The following FIRRM variants were observed in gnomAD, a reference collection of about 807,000 sequenced individuals.
FIRRM encodes the protein FIGNL1 interacting regulator of recombination and mitosis, also known as FIGNL1-interacting regulator of recombination and mitosis.
chr1:169,812,957 G>A, the FIRRM span, among the ~76,000 whole-genome samples: 1 of 152,116 alleles, frequency 6.6e-6, no homozygotes, highest in African/African-American at 2.4e-5. Flanking sequence ...GGGTCAAAAT[G>A]AGGGATCATA....
the FIRRM span, chr1:169,802,705 A>G: frequency 6.2e-6 from 10 of 1,608,102 alleles, no homozygotes; most frequent in South Asian, 1.1e-5. Context: ...AATCCAGACC[A>G]CTCTAAGGAA....
the FIRRM span, among the ~76,000 whole-genome samples, chr1:169,796,391 A>G: frequency 6.6e-6 from 1 of 152,282 alleles, no homozygotes; most frequent in African/African-American, 2.4e-5. Context: ...TTGAAAGTCA[A>G]CATTCCCACC....
the FIRRM span, among the ~76,000 whole-genome samples, chr1:169,833,815 C>G: frequency 0.27 from 38,948 of 145,998 alleles, 5,615 homozygotes; most frequent in Middle Eastern, 0.38. Context: ...GAAAGGGTCA[C>G]ATGTCATAAG....
chr1:169,842,416 G>T, the FIRRM span: 1 of 1,611,682 alleles, frequency 6.2e-7, no homozygotes, highest in African/African-American at 1.3e-5. Context: ...CTGTCCTTCA[G>T]AACACAGTAC....
the FIRRM span, chr1:169,837,206 A>C: frequency 1.1e-6 from 1 of 909,772 alleles, no homozygotes; most frequent in Non-Finnish European, 1.5e-6. Flanking sequence ...TAAGATGCAC[A>C]CACTCTCTGT....
the FIRRM span, among the ~76,000 whole-genome samples, chr1:169,805,493 C>G: frequency 2.0e-5 from 3 of 152,130 alleles, no homozygotes; most frequent in African/African-American, 7.2e-5. Context: ...TATTGTCCCC[C>G]GGGCCACAGC....
At chr1:169,815,932 T>C in the FIRRM span, among the ~76,000 whole-genome samples, 5 of 152,200 alleles carry the variant, frequency 3.3e-5, no homozygotes, top group African/African-American at 1.2e-4. Flanking sequence ...TATTCCTGCC[T>C]AACTATTGGG....
the FIRRM span, chr1:169,783,963 CT>C: frequency 6.6e-6 from 1 of 152,188 alleles, no homozygotes; most frequent in African/African-American, 2.4e-5. Flanking sequence ...CTTTTTAATT[CT>C]TTGTAGAGAC....
chr1:169,805,555 G>A, the FIRRM span, among the ~76,000 whole-genome samples: 2 of 152,138 alleles, frequency 1.3e-5, no homozygotes, highest in African/African-American at 4.8e-5. Flanking sequence ...GATTCACAAA[G>A]GGCAGTCATT....
the FIRRM span, chr1:169,829,365 G>A: frequency 6.2e-7 from 1 of 1,613,682 alleles, no homozygotes; most frequent in Non-Finnish European, 8.5e-7. Flanking sequence ...GGAAAGCTGA[G>A]GTGGCTGTCA....
At chr1:169,844,548 A>G in the FIRRM span, among the ~76,000 whole-genome samples, 2 of 152,254 alleles carry the variant, frequency 1.3e-5, no homozygotes, top group African/African-American at 4.8e-5. Flanking sequence ...GAAAGGAATG[A>G]AACTAGTAAC....
At chr1:169,845,972 A>G in the FIRRM span, among the ~76,000 whole-genome samples, 8 of 152,230 alleles carry the variant, frequency 5.3e-5, no homozygotes, top group African/African-American at 9.7e-5. Flanking sequence ...ATCACTATCC[A>G]TGGCAGCTAT....
the FIRRM span, chr1:169,830,752 G>C: frequency 6.2e-7 from 1 of 1,613,426 alleles, no homozygotes; most frequent in Non-Finnish European, 8.5e-7. Flanking sequence ...CATCTGGTGC[G>C]TAGAATTACA....
chr1:169,798,498 G>T, the FIRRM span, among the ~76,000 whole-genome samples: 1 of 151,792 alleles, frequency 6.6e-6, no homozygotes, highest in African/African-American at 2.4e-5. Flanking sequence ...TTCAACTCCT[G>T]ACCTCTTGTT....
the FIRRM span, among the ~76,000 whole-genome samples, chr1:169,847,358 C>A: frequency 7.5e-6 from 1 of 132,598 alleles, no homozygotes; most frequent in Non-Finnish European, 1.6e-5. Context: ...CTTCAAATTG[C>A]AATAAATCAA....
chr1:169,847,595 C>A, the FIRRM span: 2 of 867,020 alleles, frequency 2.3e-6, no homozygotes, highest in South Asian at 1.7e-5. Flanking sequence ...TTTTGTTTCC[C>A]CTCCCCACAT....
the FIRRM span, among the ~76,000 whole-genome samples, chr1:169,801,445 C>CAAAA: frequency 3.9e-4 from 24 of 61,660 alleles, no homozygotes; most frequent in South Asian, 6.0e-4. Flanking sequence ...TGCTCCGTCT[C>CAAAA]AAAAAAAAAA....
At chr1:169,818,549 A>C in the FIRRM span, among the ~76,000 whole-genome samples, 6 of 152,208 alleles carry the variant, frequency 3.9e-5, no homozygotes, top group African/African-American at 1.4e-4. Flanking sequence ...TCCACTTTTT[A>C]CTTTTCTGAC....
chr1:169,851,978 A>G, the FIRRM span: 1 of 1,613,638 alleles, frequency 6.2e-7, no homozygotes, highest in African/African-American at 1.3e-5. Context: ...TAACAAGGCA[A>G]ATTCTGCCCT....
Sources: gnomAD v4.1 joint callset for allele counts (sites outside exome capture counted in the v4.1 genomes callset) on GRCh38, gnomAD v4.1.1 for gene constraint, MANE v1.5 for transcripts, NCBI Gene and HGNC (gene_info 2026-07-23, HGNC 2026-07-21) for gene names.